The following ESCO2 variants were observed in gnomAD, a reference collection of about 807,000 sequenced individuals.
ESCO2 encodes the protein N-acetyltransferase ESCO2.
A neutral mutation model predicts 61.7 loss-of-function variants in ESCO2; 51 were observed. The observed-to-expected ratio is 0.83, with a 90% CI of 0.66 to 1.04. The LOEUF is 1.04. Ranked by LOEUF, ESCO2 falls within the 50% of genes least tolerant of loss-of-function variation. ESCO2 has a pLI of 0.00. For missense variants in ESCO2, 692 were observed against 686.2 expected (o/e 1.01, Z -0.09); for synonymous variants, 230 against 238.2 (o/e 0.97, Z 0.32).
chr8:27,816,351 A>T (rs548364124), downstream of ESCO2, among the ~76,000 whole-genome samples: 53 of 141,908 alleles, frequency 3.7e-4, 3 homozygotes, highest in African/African-American at 1.4e-3. Context: ...TACTATATAT[A>T]TATATATTTA....
intron 9 of ESCO2, among the ~76,000 whole-genome samples, chr8:27,793,031 C>A (rs1343170736): frequency 6.6e-6 from 1 of 152,124 alleles, no homozygotes; most frequent in African/African-American, 2.4e-5. Flanking sequence ...TTCATGTAGT[C>A]ATTAACACAG....
In ESCO2 at chr8:27,780,209, T is replaced by C. The variant is rs2128952253; in HGVS notation, c.897T>C (p.His299=). Residue 299 remains histidine, a synonymous_variant, in exon 4 of 11, where the codon CAT becomes CAC. Coordinates refer to ENST00000305188, the MANE Select transcript of ESCO2 (RefSeq NM_001017420.3). ...ATGACAGAGTTTCTTCAAAGGAACA[T>C]AAAGTTGATAAAAATGAGGCTTTTT... The part of the protein sequence containing the change: ...SSDDRVSSKE[H]KVDKNEAFSS... 4 of 1,612,132 alleles carry C rather than the reference T, an allele frequency of 2.5e-6. No homozygotes were observed. The highest frequency in any genetic ancestry group is 1.7e-4 in the Middle Eastern group (1 of 6,054).
downstream of ESCO2, among the ~76,000 whole-genome samples, chr8:27,807,700 C>T (rs1805589873): frequency 6.6e-6 from 1 of 151,928 alleles, no homozygotes; most frequent in African/African-American, 2.4e-5. Context: ...TTTCTATTTC[C>T]TGTAAGTTTT....
chr8:27,780,446 A>T (rs1462496602), intron 4 of ESCO2, among the ~76,000 whole-genome samples, 179 bp downstream of exon 4: 3 of 152,350 alleles, frequency 2.0e-5, no homozygotes, highest in South Asian at 2.1e-4. Flanking sequence ...TGCGTTTTGA[A>T]AAACAAGAAA....
intron 10 of ESCO2, among the ~76,000 whole-genome samples, chr8:27,802,630 A>AAAAAAATAT (rs1554557661): frequency 2.0e-4 from 9 of 45,838 alleles, no homozygotes; most frequent in East Asian, 1.1e-3. Context: ...AAAAAAAAAA[A>AAAAAAATAT]ATATATATAT....
At chr8:27,817,104 G>T (rs549361170), downstream of ESCO2, among the ~76,000 whole-genome samples, 3 of 152,178 alleles carry the variant, frequency 2.0e-5, no homozygotes, top group Admixed American at 2.0e-4. Context: ...TTTAAGAATT[G>T]CTATTGCTAA....
chr8:27,773,977 A>T (rs1417389116), upstream of ESCO2, among the ~76,000 whole-genome samples: 1 of 152,236 alleles, frequency 6.6e-6, no homozygotes, highest in African/African-American at 2.4e-5. Flanking sequence ...AATGCCTTAC[A>T]GATTGTGGTA....
downstream of ESCO2, chr8:27,810,310 C>G: frequency 6.2e-7 from 1 of 1,606,540 alleles, no homozygotes; most frequent in Non-Finnish European, 8.5e-7. Flanking sequence ...GATCACTAGA[C>G]ATCTGTTTCC....
intron 4 of ESCO2, 115 bp from the exon 5 acceptor site, chr8:27,783,885 C>T (rs1237715932): frequency 1.0e-6 from 1 of 1,001,626 alleles, no homozygotes; most frequent in East Asian, 2.4e-5. Context: ...ACCTTTGCCT[C>T]TTTGTTAAAT....
intron 5 of ESCO2, 35 bp from the exon 6 acceptor site, chr8:27,787,850 T>C: frequency 6.5e-7 from 1 of 1,528,514 alleles, no homozygotes; most frequent in Non-Finnish European, 9.1e-7. Context: ...TCCTCCAAAA[T>C]TGTAAATTTA....
At chr8:27,785,795 A>T (rs941948294) in intron 5 of ESCO2, among the ~76,000 whole-genome samples, 18 of 152,082 alleles carry the variant, frequency 1.2e-4, no homozygotes, top group Non-Finnish European at 1.5e-4. Context: ...GCAATTTGAG[A>T]TTTAATCTAT....
chr8:27,788,042 T>C, intron 6 of ESCO2, 40 bp downstream of exon 6: 1 of 1,485,380 alleles, frequency 6.7e-7, no homozygotes, highest in Non-Finnish European at 9.4e-7. Context: ...ATCTAGCCCT[T>C]TGCAGAAAAG....
chr8:27,806,096 T>C (rs1375008034), downstream of ESCO2, among the ~76,000 whole-genome samples: 2 of 152,182 alleles, frequency 1.3e-5, no homozygotes, highest in African/African-American at 4.8e-5. Flanking sequence ...CCAAAAATAT[T>C]GCATGGAAAT....
intron 3 of ESCO2, chr8:27,778,806 A>G (rs1804858377): frequency 6.6e-6 from 1 of 152,236 alleles, no homozygotes; most frequent in Admixed American, 6.5e-5. Context: ...TAGTTTGGGA[A>G]GCTGGGCTTT....
In ESCO2 at chr8:27,803,567, C is replaced by A; in HGVS notation, c.*129C>A. On this transcript the variant is annotated 3_prime_UTR_variant, in exon 11 of 11. Coordinates refer to ENST00000305188, the MANE Select transcript of ESCO2 (RefSeq NM_001017420.3). ...ACACTCATACACACACACACACACA[C>A]GCACACACACATATCACAGTTTTGT... is the stretch of plus-strand genomic sequence containing the variant. 6.9e-7 allele frequency: 1 copy of A among 1,446,386 alleles called. No homozygotes were observed. Among genetic ancestry groups the A allele is most frequent in the Non-Finnish European group, 9.1e-7 (1 of 1,102,592 alleles). The allele number at this position is 1,446,386 out of a possible 1,614,324, so 89.6% of individuals were successfully genotyped here. A position where few individuals can be genotyped will look rare whatever the true frequency, so the allele number is the denominator to read the frequency against.
chr8:27,803,547 C>CAG lies in ESCO2; in HGVS notation c.*110_*111insGA. The CAG allele has an allele frequency of 2.4e-6, 3 of 1,262,910 alleles. No homozygotes were observed. The highest frequency in any genetic ancestry group is 2.1e-6 in the Non-Finnish European group (2 of 960,810). 78.2% of individuals were successfully genotyped at this position (1,262,910 alleles called of 1,614,324 possible). A position where few individuals can be genotyped will look rare whatever the true frequency, so the allele number is the denominator to read the frequency against. Reference sequence around the variant, plus strand: ...AATAAAAAATACCGAGACTCACACTCATACACACACACACACACACGCACA... The same window carrying CAG: ...AATAAAAAATACCGAGACTCACACTCAGATACACACACACACACACACGCACA... On this transcript the variant is annotated 3_prime_UTR_variant, in exon 11 of 11. Coordinates refer to ENST00000305188, the MANE Select transcript of ESCO2 (RefSeq NM_001017420.3).
chr8:27,795,792 A>C (rs1462889354), intron 9 of ESCO2, among the ~76,000 whole-genome samples: 1 of 152,206 alleles, frequency 6.6e-6, no homozygotes, highest in Admixed American at 6.5e-5. Flanking sequence ...ATGGTGTAAC[A>C]CATTGATGTG....
intron 5 of ESCO2, among the ~76,000 whole-genome samples, chr8:27,786,880 T>C (rs1189643415): frequency 6.6e-6 from 1 of 151,076 alleles, no homozygotes; most frequent in African/African-American, 2.4e-5. Context: ...TTTTTCTTTC[T>C]TATTTACTTC....
At chr8:27,802,665 T>TAC in intron 10 of ESCO2, among the ~76,000 whole-genome samples, 3 of 126,402 alleles carry the variant, frequency 2.4e-5, no homozygotes, top group Non-Finnish European at 4.9e-5. Flanking sequence ...ATTATATATA[T>TAC]ATATATATAG....
Sources: allele counts gnomAD v4.1 joint callset (sites outside exome capture counted in the v4.1 genomes callset), GRCh38; gene constraint gnomAD v4.1.1; transcripts MANE v1.5; gene names NCBI Gene and HGNC (gene_info 2026-07-23, HGNC 2026-07-21).